The following RSF1 variants were observed in gnomAD, a reference collection of about 807,000 sequenced individuals.
The protein encoded by RSF1 is remodeling and spacing factor 1, also known as HBV pX-associated protein 8.
RSF1 carries 13 observed loss-of-function variants against 145.2 expected under a neutral mutation model. That is an observed-to-expected ratio of 0.09 (90% CI 0.06 to 0.14). The LOEUF is 0.14. Among genes scored for constraint, RSF1 ranks in the 10% least tolerant of loss-of-function variants. The pLI is 1.00. For synonymous variants in RSF1, 577 were observed against 592.6 expected, an observed-to-expected ratio of 0.97 and a Z score of 0.38; for missense variants, 1,517 against 1,718.2, an observed-to-expected ratio of 0.88 and a Z score of 2.07.
chr11:77,805,442 A>G (rs112825037), intron 1 of RSF1, among the ~76,000 whole-genome samples: 3,004 of 152,200 alleles, frequency 0.02, 83 homozygotes, highest in African/African-American at 0.063. Context: ...CTCCATCTCA[A>G]AAAAAGAAAA....
chr11:77,765,063 A>G (rs1948212166), intron 1 of RSF1, among the ~76,000 whole-genome samples: 1 of 152,166 alleles, frequency 6.6e-6, no homozygotes, highest in Non-Finnish European at 1.5e-5. Flanking sequence ...GGACAGGGAT[A>G]CATGGGAACT....
intron 1 of RSF1, among the ~76,000 whole-genome samples, chr11:77,779,310 C>T (rs1214933679): frequency 2.6e-5 from 4 of 152,024 alleles, no homozygotes; most frequent in Non-Finnish European, 5.9e-5. Context: ...TGAGCTCAAG[C>T]GATCCTACTG....
intron 1 of RSF1, among the ~76,000 whole-genome samples, chr11:77,780,753 A>T (rs1306961389): frequency 1.3e-5 from 2 of 151,362 alleles, no homozygotes; most frequent in African/African-American, 2.4e-5. Context: ...TGAACCCAGG[A>T]AGCAGAAGTT....
chr11:77,822,305 C>T (rs1437474804), upstream of RSF1, among the ~76,000 whole-genome samples: 1 of 149,510 alleles, frequency 6.7e-6, no homozygotes, highest in African/African-American at 2.5e-5. Flanking sequence ...GCCGGGAATC[C>T]TTGGGAGGCT....
intron 9 of RSF1, among the ~76,000 whole-genome samples, chr11:77,690,112 A>G (rs1960112069): frequency 6.7e-6 from 1 of 149,480 alleles, no homozygotes; most frequent in African/African-American, 2.5e-5. Context: ...CCATGAGCCG[A>G]GACTGTGCCA....
chr11:77,693,928 G>A (rs1264862736), intron 7 of RSF1, among the ~76,000 whole-genome samples: 2 of 151,928 alleles, frequency 1.3e-5, no homozygotes, highest in Admixed American at 1.3e-4. Flanking sequence ...GGGACTACAG[G>A]TGCCTGCCAC....
At chr11:77,774,558 G>A (rs574238212) in intron 1 of RSF1, among the ~76,000 whole-genome samples, 4 of 149,678 alleles carry the variant, frequency 2.7e-5, no homozygotes, top group South Asian at 2.1e-4. Flanking sequence ...GCCACAGAGC[G>A]AGACTCTGTC....
intron 2 of RSF1, among the ~76,000 whole-genome samples, chr11:77,755,381 G>T (rs1203911579): frequency 6.6e-6 from 1 of 152,174 alleles, no homozygotes; most frequent in South Asian, 2.1e-4. Context: ...ATTTATCAAG[G>T]TTCCTTGGCT....
chr11:77,828,314 A>G, the RSF1 span, among the ~76,000 whole-genome samples: 1 of 152,006 alleles, frequency 6.6e-6, no homozygotes, highest in African/African-American at 2.4e-5. Context: ...AATGATATCA[A>G]TAACTCCATT....
chr11:77,736,135 G>A (rs1306083912), intron 4 of RSF1, among the ~76,000 whole-genome samples: 1 of 152,160 alleles, frequency 6.6e-6, no homozygotes, highest in Non-Finnish European at 1.5e-5. Flanking sequence ...AAAAATGTGT[G>A]ACAACATCTA....
At chr11:77,853,993 CT>C in the RSF1 span, among the ~76,000 whole-genome samples, 29,819 of 138,172 alleles carry the variant, frequency 0.22, 3,149 homozygotes, top group Middle Eastern at 0.25. Flanking sequence ...CCTCCAAATT[CT>C]TTTTTTTTTT....
Position 77,808,329 on chromosome 11 carries a change from C to A in RSF1, c.187+12199G>T, listed in dbSNP as rs565648097. Among the ~76,000 whole-genome samples, 23 of 129,152 alleles carry A rather than the reference C, an allele frequency of 1.8e-4. No homozygotes were observed. The Middle Eastern group carries it at 0.011, about 63-fold the overall frequency. 84.7% of individuals were successfully genotyped at this position (129,152 alleles called of 152,430 possible). ...CCTGGGCAACAGAGAAAGACTCTGT[C>A]TAAAAAAACAAACAAACAAACAAAA... On this transcript the variant is annotated intron_variant, in intron 1 of 15. Transcript: ENST00000308488.
chr11:77,701,807 G>A lies in RSF1; in HGVS notation c.1422C>T (p.Pro474=). 1 of 1,614,008 alleles carries A rather than the reference G, an allele frequency of 6.2e-7. No individual in the cohort carries two copies. ...FYETKEESYS[P]SKDRNIITEG... is the part of the protein sequence containing the mutation. The stretch of plus-strand genomic sequence containing the variant: ...CCGTGATGATATTTCTGTCCTTAGA[G>A]GGGCTATAGCTCTCTTCCTTTGTCT... Residue 474 remains proline (P), a synonymous_variant, in exon 6 of 16, where the codon CCC becomes CCT. Transcript: ENST00000308488.
At chr11:77,706,217 G>T (rs1960545407) in intron 5 of RSF1, among the ~76,000 whole-genome samples, 1 of 146,804 alleles carries the variant, frequency 6.8e-6, no homozygotes, top group Non-Finnish European at 1.5e-5. Flanking sequence ...CTCCAGCCTG[G>T]CGACAGAGTG....
chr11:77,857,889 G>A, the RSF1 span, among the ~76,000 whole-genome samples: 4 of 152,124 alleles, frequency 2.6e-5, no homozygotes, highest in Admixed American at 1.3e-4. Flanking sequence ...TAGAGACAGG[G>A]TTTCACCATA....
chr11:77,680,047 A>T (rs1480965242), intron 11 of RSF1, among the ~76,000 whole-genome samples: 1 of 152,202 alleles, frequency 6.6e-6, no homozygotes, highest in Admixed American at 6.5e-5. Context: ...GGCTATGGCC[A>T]CCATATCAGA....
intron 1 of RSF1, among the ~76,000 whole-genome samples, chr11:77,820,237 G>T (rs918987244): frequency 1.3e-5 from 2 of 152,138 alleles, no homozygotes; most frequent in African/African-American, 4.8e-5. Flanking sequence ...AGTCCCCGGG[G>T]CTGCCGACCG....
At chr11:77,819,392 T>C (rs974345040) in intron 1 of RSF1, among the ~76,000 whole-genome samples, 2 of 152,060 alleles carry the variant, frequency 1.3e-5, no homozygotes, top group East Asian at 1.9e-4. Flanking sequence ...GGGGTGAGTA[T>C]AAGCACTCAG....
rs1218502201 is a variant in RSF1, at chr11:77,666,122, A to G, written c.*795T>C. On this transcript the variant is annotated 3_prime_UTR_variant, in exon 16 of 16. Transcript: ENST00000308488. ...TCACTAATAACTCTCCATCAGACAC[A>G]ATATATTTGAGGCCACCTTATTACC... 1.3e-5 allele frequency: 2 copies of G among 152,238 alleles called. No individual in the cohort carries two copies. The highest frequency in any genetic ancestry group is 6.5e-5 in the Admixed American group (1 of 15,274). 9.4% of individuals were successfully genotyped at this position (152,238 alleles called of 1,614,324 possible).
Sources: allele counts gnomAD v4.1 joint callset (sites outside exome capture counted in the v4.1 genomes callset), GRCh38; gene constraint gnomAD v4.1.1; transcripts MANE v1.5; gene names NCBI Gene and HGNC (gene_info 2026-07-23, HGNC 2026-07-21).